The following CCDC30 variants were observed in gnomAD, a reference collection of about 807,000 sequenced individuals.
The protein encoded by CCDC30 is coiled-coil domain-containing protein 30.
CCDC30 carries 70 observed loss-of-function variants against 100.2 expected under a neutral mutation model. The observed-to-expected ratio is 0.70, with a 90% CI of 0.58 to 0.85. The LOEUF (loss-of-function observed/expected upper bound fraction) is 0.85, where lower values mean the gene tolerates loss of function less well. Among genes scored for constraint, CCDC30 ranks in the 40% least tolerant of loss-of-function variants. The pLI is 0.00. For synonymous variants in CCDC30, 233 were observed against 269.5 expected (o/e 0.86, Z 1.33); for missense variants, 652 against 771.2 (o/e 0.85, Z 1.83).
At chr1:42,457,669 A>G in the CCDC30 span, 1 of 317,328 alleles carries the variant, frequency 3.2e-6, no homozygotes, top group African/African-American at 2.2e-5. Flanking sequence ...AAAGATGAGC[A>G]GAACCGAGCG....
chr1:42,505,636 G>C (rs1644383269), intron 6 of CCDC30, among the ~76,000 whole-genome samples: 1 of 152,214 alleles, frequency 6.6e-6, no homozygotes, highest in Non-Finnish European at 1.5e-5. Flanking sequence ...GATTGGATTT[G>C]ATGAAACTCT....
chr1:42,569,076 G>T (rs995677793), intron 7 of CCDC30: 1 of 152,150 alleles, frequency 6.6e-6, no homozygotes, highest in East Asian at 1.9e-4. Context: ...GAATGATACA[G>T]AGAAGATTAG....
intron 9 of CCDC30, 81 bp downstream of exon 13, chr1:42,581,595 A>G: frequency 1.5e-6 from 2 of 1,318,710 alleles, no homozygotes; most frequent in East Asian, 2.5e-5. Flanking sequence ...TTCTAACAGA[A>G]TATCAGAGAG....
intron 11 of CCDC30, among the ~76,000 whole-genome samples, chr1:42,631,545 A>G (rs1195494576): frequency 1.3e-5 from 2 of 152,164 alleles, no homozygotes; most frequent in Admixed American, 6.5e-5. Context: ...AGCAAGGCCT[A>G]TGTCCTTCCT....
intron 3 of CCDC30, 123 bp downstream of exon 3, chr1:42,482,939 A>T: frequency 1.6e-6 from 1 of 644,900 alleles, no homozygotes; most frequent in Non-Finnish European, 2.2e-6. Flanking sequence ...AACACATAAA[A>T]GTGATGAACA....
At chr1:42,624,378 T>A (rs1042303285) in intron 11 of CCDC30, among the ~76,000 whole-genome samples, 4 of 152,230 alleles carry the variant, frequency 2.6e-5, no homozygotes, top group African/African-American at 9.6e-5. Context: ...ATGTATCACA[T>A]TGATTGATTT....
upstream of CCDC30, among the ~76,000 whole-genome samples, chr1:42,458,222 A>G (rs1643293079): frequency 6.6e-6 from 1 of 152,212 alleles, no homozygotes; most frequent in Admixed American, 6.5e-5. Context: ...TTTTTGTTTG[A>G]GAACAACATT....
intron 6 of CCDC30, among the ~76,000 whole-genome samples, chr1:42,522,186 ATTG>A (rs1267637882): frequency 6.6e-6 from 1 of 152,024 alleles, no homozygotes; most frequent in Non-Finnish European, 1.5e-5. Flanking sequence ...TTATTGTCAT[ATTG>A]TTATTTTTAT....
upstream of CCDC30, chr1:42,459,878 G>A (rs1209697821): frequency 6.2e-7 from 1 of 1,613,682 alleles, no homozygotes; most frequent in Non-Finnish European, 8.5e-7. Context: ...AGAAGATAGT[G>A]GATAATCTTC....
chr1:42,607,379 A>G (rs1646521368), intron 10 of CCDC30, among the ~76,000 whole-genome samples: 1 of 152,128 alleles, frequency 6.6e-6, no homozygotes, highest in Non-Finnish European at 1.5e-5. Context: ...CAGGAGATGC[A>G]GTTTCTGCTG....
exon 2 of CCDC30, chr1:42,480,566 G>A (rs193144715): frequency 5.1e-6 from 5 of 977,486 alleles, no homozygotes. Context: ...TGGAATTACA[G>A]GTGAGCCACC....
At chr1:42,610,242 A>T (rs1184382566) in intron 10 of CCDC30, among the ~76,000 whole-genome samples, 1 of 152,226 alleles carries the variant, frequency 6.6e-6, no homozygotes, top group East Asian at 1.9e-4. Context: ...TGCTAGAACT[A>T]GTGACAAGAC....
At chr1:42,471,915 A>T (rs781327050) in intron 1 of CCDC30, among the ~76,000 whole-genome samples, 1 of 152,238 alleles carries the variant, frequency 6.6e-6, no homozygotes, top group Non-Finnish European at 1.5e-5. Flanking sequence ...TAGTATATTT[A>T]TGTGGACTGA....
At chr1:42,547,609 A>G (rs1235023153) in intron 6 of CCDC30, among the ~76,000 whole-genome samples, 1 of 152,126 alleles carries the variant, frequency 6.6e-6, no homozygotes, top group Non-Finnish European at 1.5e-5. Context: ...CCTTGATGCC[A>G]CCTGTTTCCA....
At chr1:42,558,962 A>T (rs1459116388) in intron 6 of CCDC30, among the ~76,000 whole-genome samples, 1 of 152,240 alleles carries the variant, frequency 6.6e-6, no homozygotes, top group Non-Finnish European at 1.5e-5. Flanking sequence ...AAACTCTACA[A>T]GCCAGAAGAG....
At chr1:42,557,575 A>T (rs1239574567) in intron 6 of CCDC30, among the ~76,000 whole-genome samples, 1 of 149,738 alleles carries the variant, frequency 6.7e-6, no homozygotes. Context: ...GTTCATTTGT[A>T]CTTAATGTTT....
intron 7 of CCDC30, among the ~76,000 whole-genome samples, chr1:42,574,076 C>T (rs1645786576): frequency 6.6e-6 from 1 of 151,986 alleles, no homozygotes; most frequent in South Asian, 2.1e-4. Context: ...CATTTACTTC[C>T]TTGCAATGCC....
At chr1:42,535,014 G>C (rs939844547) in intron 6 of CCDC30, 2 of 152,138 alleles carry the variant, frequency 1.3e-5, no homozygotes, top group Admixed American at 6.5e-5. Flanking sequence ...ATAATTTTCA[G>C]TTACGTTTTC....
chr1:42,626,214 T>G (rs1646930664), intron 11 of CCDC30, among the ~76,000 whole-genome samples: 1 of 152,232 alleles, frequency 6.6e-6, no homozygotes, highest in African/African-American at 2.4e-5. Flanking sequence ...AATATCCTTT[T>G]CCATCCCTTT....
Sources: gnomAD v4.1 joint callset for allele counts (sites outside exome capture counted in the v4.1 genomes callset) on GRCh38, gnomAD v4.1.1 for gene constraint, MANE v1.5 for transcripts, NCBI Gene and HGNC (gene_info 2026-07-23, HGNC 2026-07-21) for gene names.